CFAP300: variants seen among roughly 807,000 people sequenced by gnomAD.
CFAP300 encodes cilia- and flagella-associated protein 300.
In CFAP300, 32 loss-of-function variants were observed where a neutral mutation model predicts 33.0. The ratio of observed to expected loss-of-function variants is 0.97; its 90% CI spans 0.73 to 1.30. The LOEUF (loss-of-function observed/expected upper bound fraction) is 1.30. Ranked by LOEUF, CFAP300 falls within the 50% of genes most tolerant of loss-of-function variation. The pLI is 0.00. For synonymous variants in CFAP300, 102 were observed against 106.8 expected, an observed-to-expected ratio of 0.95 and a Z score of 0.28; for missense variants, 356 against 318.1, an observed-to-expected ratio of 1.12 and a Z score of -0.90.
chr11:102,080,611 G>A (rs936848573), intron 5 of CFAP300, among the ~76,000 whole-genome samples: 1 of 151,978 alleles, frequency 6.6e-6, no homozygotes, highest in African/African-American at 2.4e-5. Context: ...TGTTGGTCAG[G>A]CTGGTCTCGA....
chr11:102,066,652 G>A lies in CFAP300; in HGVS notation c.435+1G>A. The A allele has an allele frequency of 1.3e-6, 2 of 1,589,536 alleles. No homozygotes were observed. The highest frequency in any genetic ancestry group is 1.2e-5 in the South Asian group (1 of 84,638). On this transcript the variant is annotated splice_donor_variant, in intron 4 of 6. Coordinates refer to ENST00000434758, the MANE Select transcript of CFAP300 (RefSeq NM_032930.3). LOFTEE classifies it high-confidence loss of function. Reference sequence around the variant, plus strand: ...TCTCATTTCTGATGAGTTACGAAGAGTAAGTACAGAATTTTAAAATTTCGC... The same window carrying A: ...TCTCATTTCTGATGAGTTACGAAGAATAAGTACAGAATTTTAAAATTTCGC...
chr11:102,068,192 GTTA>G (rs1413993707), intron 4 of CFAP300, among the ~76,000 whole-genome samples: 1 of 152,138 alleles, frequency 6.6e-6, no homozygotes, highest in Non-Finnish European at 1.5e-5. Flanking sequence ...AATTACTACT[GTTA>G]TTATTATCCT....
At chr11:102,073,235 C>G (rs1050814336) in intron 4 of CFAP300, among the ~76,000 whole-genome samples, 1 of 152,090 alleles carries the variant, frequency 6.6e-6, no homozygotes, top group African/African-American at 2.4e-5. Context: ...CTTTTGGGTT[C>G]CCAAGCAATA....
chr11:102,064,305 G>A (rs760950694), intron 3 of CFAP300, among the ~76,000 whole-genome samples: 7 of 151,548 alleles, frequency 4.6e-5, no homozygotes, highest in Admixed American at 6.6e-5. Flanking sequence ...TGTGTCCACT[G>A]ACCAATCTTC....
At position 102,081,889 on chromosome 11, in the gene CFAP300, T is replaced by TAA. The variant is rs72280444; in HGVS notation, c.675+625_675+626dup. Among the ~76,000 whole-genome samples, 402 of 118,680 alleles carry TAA rather than the reference T, an allele frequency of 3.4e-3. 11 individuals are homozygous for TAA. The highest frequency in any genetic ancestry group is 0.012 in the African/African-American group (368 of 31,342). The allele number at this position is 118,680 out of a possible 152,430, so 77.9% of individuals were successfully genotyped here. A position where few individuals can be genotyped will look rare whatever the true frequency, so the allele number is the denominator to read the frequency against. Reference sequence around the variant, plus strand: ...CTGGGCAACAGAGCGAGACTCCATCTAAAAAAAAAAAAAAAAAAGAATGCC... The same window carrying TAA: ...CTGGGCAACAGAGCGAGACTCCATCTAAAAAAAAAAAAAAAAAAAAGAATGCC... On this transcript the variant is annotated intron_variant, in intron 6 of 6. Transcript: ENST00000434758.
chr11:102,071,179 C>T (rs1942308386), intron 4 of CFAP300, among the ~76,000 whole-genome samples: 1 of 152,130 alleles, frequency 6.6e-6, no homozygotes, highest in Non-Finnish European at 1.5e-5. Context: ...CTTCTGTTAG[C>T]TCTAATAATA....
chr11:102,054,806 TG>T (rs1565388542), intron 2 of CFAP300, among the ~76,000 whole-genome samples: 2 of 148,282 alleles, frequency 1.3e-5, no homozygotes, highest in African/African-American at 5.0e-5. Flanking sequence ...GAGGGAAAAG[TG>T]AGTGATCACT....
At chr11:102,077,460 G>A (rs1378513522) in intron 5 of CFAP300, among the ~76,000 whole-genome samples, 1 of 152,226 alleles carries the variant, frequency 6.6e-6, no homozygotes, top group East Asian at 1.9e-4. Context: ...TACAGCGTGT[G>A]ATTTTAGGAG....
At chr11:102,052,607 G>A (rs1364260734) in intron 2 of CFAP300, among the ~76,000 whole-genome samples, 1 of 152,200 alleles carries the variant, frequency 6.6e-6, no homozygotes, top group African/African-American at 2.4e-5. Context: ...GTAGACATTT[G>A]TAAATAATCC....
At chr11:102,067,056 G>A (rs1170131900) in intron 4 of CFAP300, among the ~76,000 whole-genome samples, 3 of 152,116 alleles carry the variant, frequency 2.0e-5, no homozygotes, top group Admixed American at 2.0e-4. Flanking sequence ...AAAACATCCC[G>A]GAGCTGGGCA....
chr11:102,071,502 A>G (rs1438439501), intron 4 of CFAP300, among the ~76,000 whole-genome samples: 2 of 152,042 alleles, frequency 1.3e-5, no homozygotes, highest in African/African-American at 4.8e-5. Context: ...GTTATTTTGT[A>G]TATCTTTTGT....
chr11:102,083,122 T>C lies in CFAP300; in HGVS notation c.727T>C (p.Ser243Pro). Residue 243 changes from serine (S) to proline (P), a missense_variant, in exon 7 of 7, where the codon TCT (serine) becomes CCT (proline). Transcript: ENST00000434758. ...AGCAAAGAATCATGAACAGACATTT[T>C]CTTACTTTATTGTGGATCCTATCAG... ...PSAKNHEQTF[S>P]YFIVDPIRRH... The C allele has an allele frequency of 1.3e-6, 2 of 1,558,600 alleles. No individual in the cohort carries two copies. The highest frequency in any genetic ancestry group is 1.7e-6 in the Non-Finnish European group (2 of 1,150,226).
Position 102,063,816 on chromosome 11 carries a change from T to TGAAGAAAA in CFAP300, c.269-2668_269-2661dup, listed in dbSNP as rs571318647. ...CCTGGGTGACAGAGTGAGACCTTGTTGAAGAAAAAAAGAAAAAAAAAGTTT... is the reference window on the plus strand; with the variant it reads ...CCTGGGTGACAGAGTGAGACCTTGTTGAAGAAAAGAAGAAAAAAAGAAAAAAAAAGTTT... On this transcript the variant is annotated intron_variant, in intron 3 of 6. Transcript: ENST00000434758. Among the ~76,000 whole-genome samples, 41 of 152,066 alleles carry TGAAGAAAA rather than the reference T, an allele frequency of 2.7e-4. No homozygotes were observed. The East Asian group carries it at 6.0e-3, about 22-fold the overall frequency.
Position 102,083,214 on chromosome 11 carries a change from A to G in CFAP300, c.*15A>G. The G allele has an allele frequency of 6.9e-7, 1 of 1,453,684 alleles. No homozygotes were observed. The highest frequency in any genetic ancestry group is 2.5e-5 in the East Asian group (1 of 40,272). The allele number at this position is 1,453,684 out of a possible 1,614,324, so 90.0% of individuals were successfully genotyped here. A position where few individuals can be genotyped will look rare whatever the true frequency, so the allele number is the denominator to read the frequency against. On this transcript the variant is annotated 3_prime_UTR_variant, in exon 7 of 7. Transcript: ENST00000434758. ...ACATGTCTTAATGTTCTTTCAGATT[A>G]TGTACCTCTACTATTTTGTATTTAT...
chr11:102,055,437 A>G (rs1591315092), intron 2 of CFAP300, among the ~76,000 whole-genome samples: 1 of 142,092 alleles, frequency 7.0e-6, no homozygotes, highest in Admixed American at 7.5e-5. Flanking sequence ...GCTCACTGCA[A>G]CCTCCACTCC....
rs541445977 is a variant in CFAP300, at chr11:102,055,793, C to T, written c.193-3087C>T. The stretch of plus-strand genomic sequence containing the variant: ...GTTCACTCCATTCTCCTGCCTCAGC[C>T]TCCCGAGTAGCTGGGACTACAGGCG... On this transcript the variant is annotated intron_variant, in intron 2 of 6. Coordinates refer to ENST00000434758, the MANE Select transcript of CFAP300 (RefSeq NM_032930.3). 3.9e-5 allele frequency among the ~76,000 whole-genome samples: 6 copies of T among 151,934 alleles called. No homozygotes were observed. In the East Asian group the frequency reaches 9.7e-4, roughly 25 times the overall value.
intron 3 of CFAP300, among the ~76,000 whole-genome samples, chr11:102,059,687 A>G (rs1396619659): frequency 6.6e-6 from 1 of 152,136 alleles, no homozygotes; most frequent in African/African-American, 2.4e-5. Context: ...AAGAATGGTC[A>G]GTTCTGCCCA....
intron 4 of CFAP300, among the ~76,000 whole-genome samples, chr11:102,068,394 A>C (rs1942259552): frequency 6.6e-6 from 1 of 152,230 alleles, no homozygotes; most frequent in Non-Finnish European, 1.5e-5. Context: ...GAAGAAAATA[A>C]AATTAACTTA....
intron 4 of CFAP300, among the ~76,000 whole-genome samples, chr11:102,073,049 C>T (rs541053374): frequency 2.3e-4 from 35 of 152,216 alleles, no homozygotes; most frequent in Non-Finnish European, 4.0e-4. Flanking sequence ...CCTTGGGCCC[C>T]TGAGCAGTGT....
Sources: gnomAD v4.1 joint callset for allele counts (sites outside exome capture counted in the v4.1 genomes callset) on GRCh38, gnomAD v4.1.1 for gene constraint, MANE v1.5 for transcripts, NCBI Gene and HGNC (gene_info 2026-07-23, HGNC 2026-07-21) for gene names.